Variants in TAF6 observed in about 807,000 individuals in gnomAD.
TAF6 encodes TATA-box binding protein associated factor 6.
A neutral mutation model predicts 73.5 loss-of-function variants in TAF6; 50 were observed. The observed-to-expected ratio is 0.68, with a 90% confidence interval of 0.54 to 0.86. TAF6 has a LOEUF of 0.86. Ranked by LOEUF, TAF6 falls within the 40% of genes least tolerant of loss-of-function variation. TAF6 has a pLI of 0.00. For missense variants in TAF6, 768 were observed against 899.5 expected (o/e 0.85, Z 1.87); for synonymous variants, 424 against 376.7 (o/e 1.13, Z -1.45).
rs754825102 is a variant in TAF6, at chr7:100,113,963, G to A, written c.157-9C>T. On this transcript the variant is annotated splice_polypyrimidine_tract_variant and intron_variant, in intron 2 of 14. Transcript: ENST00000453269. The stretch of plus-strand genomic sequence containing the variant: ...ATGAACTTCAAGGCATCCTGGGGTC[G>A]GTGACAGAACAGACATCAGCCCAAA... 31 of 1,614,004 alleles carry A rather than the reference G, an allele frequency of 1.9e-5. No homozygotes were observed. Among genetic ancestry groups the A allele is most frequent in the Middle Eastern group, 1.6e-4 (1 of 6,084 alleles).
upstream of TAF6, chr7:100,122,320 G>C (rs1278323255): frequency 1.2e-6 from 2 of 1,614,176 alleles, no homozygotes; most frequent in South Asian, 2.2e-5. Context: ...GATCTCGAGA[G>C]GTGCTGGAGC....
chr7:100,125,952 C>G, the TAF6 span, among the ~76,000 whole-genome samples: 2 of 152,124 alleles, frequency 1.3e-5, no homozygotes, highest in South Asian at 2.1e-4. Context: ...TTTGGGAGGC[C>G]AAGGCGGGTG....
chr7:100,125,917 T>C, the TAF6 span, among the ~76,000 whole-genome samples: 1 of 152,308 alleles, frequency 6.6e-6, no homozygotes, highest in South Asian at 2.1e-4. Flanking sequence ...CTGGGCGCGG[T>C]GACTCACGCC....
At chr7:100,119,494 C>T (rs981037225), upstream of TAF6, 22 of 1,348,104 alleles carry the variant, frequency 1.6e-5, no homozygotes, top group Non-Finnish European at 2.1e-5. Flanking sequence ...AAGGAGCACT[C>T]CCTCTTGGTG....
chr7:100,109,681 G>T (rs929049153), intron 12 of TAF6, among the ~76,000 whole-genome samples: 7 of 151,528 alleles, frequency 4.6e-5, no homozygotes, highest in Admixed American at 2.0e-4. Flanking sequence ...TTTTTTGCAG[G>T]TGGGATCTCG....
upstream of TAF6, chr7:100,121,116 A>ATATATTTTTTT (rs1584585316): frequency 1.9e-5 from 1 of 52,778 alleles, no homozygotes; most frequent in Non-Finnish European, 3.2e-5. Context: ...ATATATATAT[A>ATATATTTTTTT]TTTTTTTTTT....
the TAF6 span, chr7:100,126,846 A>T: frequency 6.5e-6 from 1 of 154,006 alleles, no homozygotes; most frequent in African/African-American, 2.4e-5. Context: ...AGTGCAAAGA[A>T]GTTGCTGGGG....
At chr7:100,109,746 A>G (rs1309346177) in intron 12 of TAF6, among the ~76,000 whole-genome samples, 1 of 151,952 alleles carries the variant, frequency 6.6e-6, no homozygotes, top group East Asian at 1.9e-4. Flanking sequence ...CTGGGATTAC[A>G]GGCAGAAGCC....
At chr7:100,114,971 C>T (rs1797553731) in intron 1 of TAF6, among the ~76,000 whole-genome samples, 1 of 152,154 alleles carries the variant, frequency 6.6e-6, no homozygotes, top group African/African-American at 2.4e-5. Flanking sequence ...ATCCTCACAC[C>T]TCAGCCTCCC....
chr7:100,112,630 G>T (rs531507250), intron 6 of TAF6, among the ~76,000 whole-genome samples, 168 bp downstream of exon 6: 3 of 152,058 alleles, frequency 2.0e-5, no homozygotes, highest in Non-Finnish European at 2.9e-5. Context: ...CAGGAGAATC[G>T]CTTGAACCCT....
chr7:100,119,478 A>G (rs957547569), upstream of TAF6: 2 of 1,352,042 alleles, frequency 1.5e-6, no homozygotes, highest in Admixed American at 6.5e-5. Context: ...TTCTACATCT[A>G]TATATAAGGA....
At chr7:100,124,647 G>T (rs1159582656), upstream of TAF6, 12 of 1,611,940 alleles carry the variant, frequency 7.4e-6, no homozygotes, top group East Asian at 2.7e-4. Context: ...CGTAAGGGTT[G>T]AACTCCTCTC....
upstream of TAF6, chr7:100,121,184 G>A (rs183352753): frequency 1.6e-5 from 2 of 128,290 alleles, no homozygotes; most frequent in East Asian, 4.7e-4. Flanking sequence ...CCGTTGCCCA[G>A]GCTGGAGTGC....
rs1797139200 is a variant in TAF6, at chr7:100,111,001, T to TA, written c.1083+137dup. 24 of 931,676 alleles carry TA rather than the reference T, an allele frequency of 2.6e-5. No homozygotes were observed. The South Asian group carries it at 4.0e-4, about 16-fold the overall frequency. 57.7% of individuals were successfully genotyped at this position (931,676 alleles called of 1,614,324 possible). A position where few individuals can be genotyped will look rare whatever the true frequency, so the allele number is the denominator to read the frequency against. On this transcript the variant is annotated intron_variant, in intron 10 of 14. Transcript: ENST00000453269. ...TCTCAAAAAAAAAAAAAAAAGGTAT[T>TA]ACAGACAAGCCTCAAGACCCTTAGA...
At position 100,119,241 on chromosome 7, in the gene TAF6, G is replaced by T; in HGVS notation, c.-97C>A. ...AGTCCCCACAAGGGACCTTCAAAGG[G>T]TCTCCTCCGGGGTACCACTCAGACC... On this transcript the variant is annotated 5_prime_UTR_variant, in exon 1 of 15. Coordinates refer to ENST00000453269, the MANE Select transcript of TAF6 (RefSeq NM_139315.3). 1 of 1,004,172 alleles carries T rather than the reference G, an allele frequency of 1.0e-6. No homozygotes were observed. Among genetic ancestry groups the T allele is most frequent in the Non-Finnish European group, 1.2e-6 (1 of 840,840 alleles). 62.2% of individuals were successfully genotyped at this position (1,004,172 alleles called of 1,614,324 possible).
chr7:100,109,438 C>T (rs1364325170), intron 12 of TAF6, among the ~76,000 whole-genome samples: 1 of 152,082 alleles, frequency 6.6e-6, no homozygotes, highest in African/African-American at 2.4e-5. Flanking sequence ...ACAGAGAAGA[C>T]CACAGAGTAA....
At chr7:100,111,420 A>G (rs1584549504) in intron 9 of TAF6, 99 bp from the exon 10 acceptor site, 1 of 1,359,782 alleles carries the variant, frequency 7.4e-7, no homozygotes, top group Non-Finnish European at 1.0e-6. Context: ...GGACACAATC[A>G]TGGCTAACTG....
chr7:100,121,861 TAACACGGTGA>T (rs1562938944), upstream of TAF6, among the ~76,000 whole-genome samples: 1 of 149,646 alleles, frequency 6.7e-6, no homozygotes, highest in Admixed American at 6.6e-5. Context: ...CCATCCTGGC[TAACACGGTGA>T]AACCCTGTCT....
chr7:100,107,796 C>G (rs1796700358), intron 14 of TAF6, 130 bp downstream of exon 14: 2 of 1,390,518 alleles, frequency 1.4e-6, no homozygotes, highest in East Asian at 4.9e-5. Context: ...CCTGCAGGAC[C>G]CTGGTGGGCG....
Sources: gnomAD v4.1 joint callset for allele counts (sites outside exome capture counted in the v4.1 genomes callset) on GRCh38, gnomAD v4.1.1 for gene constraint, MANE v1.5 for transcripts, NCBI Gene and HGNC (gene_info 2026-07-23, HGNC 2026-07-21) for gene names.